Variants in BOC observed in about 807,000 individuals in gnomAD.
The protein encoded by BOC is BOC cell adhesion associated, oncogene regulated.
Under a neutral mutation model 112.0 loss-of-function variants are expected in BOC, and 76 were observed. That is an observed-to-expected ratio of 0.68 (90% CI 0.56 to 0.82). The LOEUF is 0.82. Ranked by LOEUF, BOC falls within the 40% of genes least tolerant of loss-of-function variation. The pLI is 0.00. For missense variants in BOC, 1,309 were observed against 1,511.7 expected (o/e 0.87, Z 2.22); for synonymous variants, 580 against 599.8 (o/e 0.97, Z 0.48).
chr3:113,264,247 G>C (rs565345064), intron 4 of BOC, among the ~76,000 whole-genome samples: 6 of 152,352 alleles, frequency 3.9e-5, no homozygotes, highest in South Asian at 4.1e-4. Context: ...ATGCGGACAA[G>C]TTAATGAAGT....
Position 113,277,694 on chromosome 3 carries a change from T to A in BOC, c.1543-401T>A, listed in dbSNP as rs3856719. 1.1e-4 allele frequency among the ~76,000 whole-genome samples: 17 copies of A among 152,252 alleles called. No individual in the cohort carries two copies. The East Asian group carries it at 3.3e-3, about 29-fold the overall frequency. ...GCTGATACTTTCGTTACCTTTCTCA[T>A]CATTGTGTCTCATTAGAATATAAGC... On this transcript the variant is annotated intron_variant, in intron 9 of 19. Coordinates refer to ENST00000682979, the MANE Select transcript of BOC (RefSeq NM_001378074.1).
chr3:113,251,086 C>G (rs945146900), intron 4 of BOC: 1 of 603,800 alleles, frequency 1.7e-6, no homozygotes, highest in Admixed American at 3.0e-5. Context: ...TTGGTCAGTG[C>G]ATGGCAGAAC....
At chr3:113,243,700 G>A (rs1295421822) in intron 2 of BOC, among the ~76,000 whole-genome samples, 1 of 152,096 alleles carries the variant, frequency 6.6e-6, no homozygotes, top group African/African-American at 2.4e-5. Context: ...CACCAAGTCA[G>A]TATCACCTTC....
At position 113,274,544 on chromosome 3, in the gene BOC, G is replaced by GGGGGCTCCCGCC. The variant is rs1948465525; in HGVS notation, c.1406_1417dup (p.Gly469_Ala472dup). The GGGGGCTCCCGCC allele has an allele frequency of 6.2e-7, 1 of 1,613,210 alleles. No individual in the cohort carries two copies. Among genetic ancestry groups the GGGGGCTCCCGCC allele is most frequent in the Non-Finnish European group, 8.5e-7 (1 of 1,179,836 alleles). On this transcript the variant is annotated inframe_insertion, in exon 9 of 20. Coordinates refer to ENST00000682979, the MANE Select transcript of BOC (RefSeq NM_001378074.1). This position sits in a 1 kb window ranked among gnomAD's most constrained non-coding sequence, Gnocchi z 4.8. ...CGCAGTGTCCAGGAGAGAAGGGGCA[G>GGGGGCTCCCGCC]GGGGCTCCCGCCGAGGCTCCCATCA...
chr3:113,227,855 A>T (rs1235341108), intron 2 of BOC, among the ~76,000 whole-genome samples: 2 of 152,174 alleles, frequency 1.3e-5, no homozygotes, highest in Admixed American at 1.3e-4. Flanking sequence ...TTATCAAGAC[A>T]AACAAGTGTT....
At position 113,265,041 on chromosome 3, in the gene BOC, C is replaced by A. The variant is rs538419762; in HGVS notation, c.377-3258C>A. The stretch of plus-strand genomic sequence containing the variant: ...TGACCAGTGCCCAGCTTCATGCTCC[C>A]CCACTGCACAGCCTTCTGTCTCCAA... On this transcript the variant is annotated intron_variant, in intron 4 of 19. Transcript: ENST00000682979. Among the ~76,000 whole-genome samples the A allele has an allele frequency of 5.3e-5, 8 of 152,296 alleles. No individual in the cohort carries two copies. In the South Asian group the frequency reaches 1.7e-3, roughly 32 times the overall value.
At chr3:113,223,879 A>G (rs534249488) in intron 2 of BOC, among the ~76,000 whole-genome samples, 1 of 152,296 alleles carries the variant, frequency 6.6e-6, no homozygotes, top group East Asian at 1.9e-4. Context: ...GCAGGTCTGC[A>G]GTGTGGTCCC....
intron 2 of BOC, among the ~76,000 whole-genome samples, chr3:113,216,925 G>C (rs73853785): frequency 0.016 from 2,450 of 152,220 alleles, 68 homozygotes; most frequent in African/African-American, 0.056. Context: ...GGTAGGGTGG[G>C]TAGGGTTGAA....
chr3:113,279,218 T>C, intron 11 of BOC, 31 bp from the exon 12 acceptor site: 1 of 1,602,736 alleles, frequency 6.2e-7, no homozygotes, highest in African/African-American at 1.3e-5. Context: ...CTCACCCTGC[T>C]TCCTTCCTCA....
At position 113,256,866 on chromosome 3, in the gene BOC, T is replaced by C. The variant is rs115550845; in HGVS notation, c.376+6033T>C. Among the ~76,000 whole-genome samples the C allele has an allele frequency of 5.7e-3, 869 of 152,242 alleles. 5 individuals are homozygous for C. Among genetic ancestry groups the C allele is most frequent in the African/African-American group, 0.02 (812 of 41,526 alleles). On this transcript the variant is annotated intron_variant, in intron 4 of 19. Coordinates refer to ENST00000682979, the MANE Select transcript of BOC (RefSeq NM_001378074.1). ...GAGTTAGCTCATGCAGGCTGTAGAT[T>C]CAGGTAAGAATTGATATTGCAGTCT...
At chr3:113,224,905 G>A (rs928994949) in intron 2 of BOC, among the ~76,000 whole-genome samples, 4 of 151,996 alleles carry the variant, frequency 2.6e-5, no homozygotes, top group South Asian at 2.1e-4. Flanking sequence ...GTGAAACCCC[G>A]TCTCTACTAA....
chr3:113,227,710 C>T (rs892209960), intron 2 of BOC, among the ~76,000 whole-genome samples: 2 of 152,014 alleles, frequency 1.3e-5, no homozygotes, highest in African/African-American at 4.8e-5. Flanking sequence ...GGAACTTATT[C>T]TAGTTATCCG....
At chr3:113,229,924 G>A (rs1188191377) in intron 2 of BOC, among the ~76,000 whole-genome samples, 1 of 152,204 alleles carries the variant, frequency 6.6e-6, no homozygotes, top group African/African-American at 2.4e-5. Context: ...ACTATTTCCA[G>A]GAAGGAGTGG....
intron 12 of BOC, 27 bp from the exon 13 acceptor site, chr3:113,279,797 G>A (rs1949021180): frequency 6.3e-7 from 1 of 1,576,400 alleles, no homozygotes; most frequent in African/African-American, 1.4e-5. Context: ...CCCAGCTCCT[G>A]AGTTCAGTGA....
At chr3:113,280,938 C>G in intron 14 of BOC, 93 bp from the exon 15 acceptor site, 4 of 1,536,286 alleles carry the variant, frequency 2.6e-6, no homozygotes, top group South Asian at 1.2e-5. Flanking sequence ...CATCCTCCCC[C>G]ACACACTGCC....
intron 2 of BOC, among the ~76,000 whole-genome samples, chr3:113,230,803 A>G (rs1220234027): frequency 6.6e-6 from 1 of 152,248 alleles, no homozygotes; most frequent in East Asian, 1.9e-4. Flanking sequence ...GTAATTTAGC[A>G]GGAAAAAAGG....
chr3:113,238,569 A>G (rs1943874034), intron 2 of BOC, among the ~76,000 whole-genome samples: 2 of 152,232 alleles, frequency 1.3e-5, no homozygotes, highest in African/African-American at 4.8e-5. Flanking sequence ...CTTTATAATT[A>G]TCATTTTAAT....
At chr3:113,236,266 G>GGGTATATATATATATATATATA (rs1553726809) in intron 2 of BOC, among the ~76,000 whole-genome samples, 1 of 52,586 alleles carries the variant, frequency 1.9e-5, no homozygotes, top group African/African-American at 6.2e-5. Flanking sequence ...GTGTGTGTGT[G>GGGTATATATATATATATATATA]TATATATACC....
At chr3:113,228,356 A>G (rs1942020056) in intron 2 of BOC, among the ~76,000 whole-genome samples, 1 of 152,076 alleles carries the variant, frequency 6.6e-6, no homozygotes, top group South Asian at 2.1e-4. Flanking sequence ...AAGGATTAGG[A>G]GTACAGGGCT....
Sources: allele counts gnomAD v4.1 joint callset (sites outside exome capture counted in the v4.1 genomes callset), GRCh38; gene constraint gnomAD v4.1.1; non-coding constraint Gnocchi (gnomAD v3.1); transcripts MANE v1.5; gene names NCBI Gene and HGNC (gene_info 2026-07-23, HGNC 2026-07-21).